Variants in CSMD1 observed in about 807,000 individuals in gnomAD.
CSMD1 encodes the protein CUB and Sushi multiple domains 1, also known as CUB and sushi domain-containing protein 1.
A neutral mutation model predicts 417.5 loss-of-function variants in CSMD1; 213 were observed. That is an observed-to-expected ratio of 0.51 (90% confidence interval 0.46 to 0.57). CSMD1 has a LOEUF of 0.57. Ranked by LOEUF, CSMD1 falls within the 20% of genes least tolerant of loss-of-function variation. CSMD1 has a pLI of 0.00. For missense variants in CSMD1, 6,923 were observed against 4,529.7 expected (o/e 1.53, Z -15.17); for synonymous variants, 2,862 against 1,736.8 (o/e 1.65, Z -16.11).
chr8:3,732,321 C>A (rs761235277), intron 6 of CSMD1, among the ~76,000 whole-genome samples: 4 of 152,184 alleles, frequency 2.6e-5, no homozygotes, highest in Non-Finnish European at 5.9e-5. Flanking sequence ...TTGATCAAGT[C>A]ATTTAACCTG....
At chr8:2,990,736 T>G (rs1428183365) in intron 54 of CSMD1, among the ~76,000 whole-genome samples, 4 of 152,214 alleles carry the variant, frequency 2.6e-5, no homozygotes, top group Non-Finnish European at 2.9e-5. Context: ...GAATGTAAGA[T>G]GCTCTCTACC....
intron 7 of CSMD1, among the ~76,000 whole-genome samples, chr8:3,678,926 C>G (rs1039432335): frequency 2.6e-5 from 4 of 152,120 alleles, no homozygotes; most frequent in African/African-American, 7.2e-5. Flanking sequence ...AATTTCATAT[C>G]CAGCCAAATT....
intron 10 of CSMD1, among the ~76,000 whole-genome samples, chr8:3,496,341 G>C (rs546933981): frequency 1.6e-4 from 25 of 152,248 alleles, no homozygotes; most frequent in Middle Eastern, 3.4e-3. Flanking sequence ...GCCCTGCAGA[G>C]CTCCCTGTAA....
At chr8:4,845,229 C>T (rs1352606699) in intron 1 of CSMD1, among the ~76,000 whole-genome samples, 2 of 152,086 alleles carry the variant, frequency 1.3e-5, no homozygotes, top group African/African-American at 2.4e-5. Flanking sequence ...GGTTATTGTA[C>T]TGTTCAGTAT....
At chr8:3,707,948 T>C (rs950291020) in intron 7 of CSMD1, among the ~76,000 whole-genome samples, 2 of 152,186 alleles carry the variant, frequency 1.3e-5, no homozygotes, top group African/African-American at 4.8e-5. Context: ...TGTCTGCAGA[T>C]CTTGTTTTCT....
intron 2 of CSMD1, among the ~76,000 whole-genome samples, chr8:4,449,421 T>C (rs769459120): frequency 6.6e-6 from 1 of 152,178 alleles, no homozygotes; most frequent in Non-Finnish European, 1.5e-5. Context: ...AATAGCCGTG[T>C]AGAAGTTCAT....
intron 1 of CSMD1, among the ~76,000 whole-genome samples, chr8:4,819,203 G>C (rs906736372): frequency 2.6e-5 from 4 of 152,064 alleles, no homozygotes; most frequent in African/African-American, 9.7e-5. Context: ...TTTGACAGAA[G>C]AAATAATAAT....
intron 2 of CSMD1, among the ~76,000 whole-genome samples, chr8:4,451,699 C>T (rs760660483): frequency 6.6e-6 from 1 of 152,002 alleles, no homozygotes; most frequent in African/African-American, 2.4e-5. Flanking sequence ...ATCAGTTCTT[C>T]CAGGCAAAGC....
chr8:4,453,824 T>TTC (rs1321297073), intron 2 of CSMD1, among the ~76,000 whole-genome samples: 1 of 128,972 alleles, frequency 7.8e-6, no homozygotes, highest in African/African-American at 2.9e-5. Flanking sequence ...CTTTTTTTTT[T>TTC]TTTTTTTTTT....
Position 3,052,561 on chromosome 8 carries a change from A to G in CSMD1, c.7561T>C (p.Cys2521Arg). ...FTLDSKVVYE[C>R]HEGFKLESSQ... ...GATTCAAGCTTGAAGCCCTCATGAC[A>G]TTCATAGACCACTTTACTGTCCAAA... The change falls in exon 50 of 70, where the codon TGT becomes CGT. Residue 2521 changes from cysteine (C) to arginine (R), a missense_variant. Cys to Arg is a radical substitution (Grantham distance 180). Transcript: ENST00000635120. 1 of 1,610,504 alleles carries G rather than the reference A, an allele frequency of 6.2e-7. No homozygotes were observed. The highest frequency in any genetic ancestry group is 8.5e-7 in the Non-Finnish European group (1 of 1,178,404).
At chr8:4,261,211 G>C (rs999129856) in intron 3 of CSMD1, among the ~76,000 whole-genome samples, 17 of 152,260 alleles carry the variant, frequency 1.1e-4, no homozygotes, top group African/African-American at 3.9e-4. Flanking sequence ...ACTAGAGAAA[G>C]GAGGACCAGC....
intron 6 of CSMD1, among the ~76,000 whole-genome samples, chr8:3,743,274 C>T (rs767962175): frequency 9.2e-5 from 14 of 152,146 alleles, no homozygotes; most frequent in Non-Finnish European, 1.3e-4. Flanking sequence ...ATTCAAGGAA[C>T]ATGAAGCGAA....
chr8:3,789,668 G>C (rs760010497), intron 5 of CSMD1, among the ~76,000 whole-genome samples: 1 of 150,366 alleles, frequency 6.7e-6, no homozygotes, highest in African/African-American at 2.4e-5. Flanking sequence ...TGCTTAATGA[G>C]ACATGTATGA....
At chr8:4,832,754 G>C (rs1240515832) in intron 1 of CSMD1, among the ~76,000 whole-genome samples, 3 of 152,070 alleles carry the variant, frequency 2.0e-5, no homozygotes, top group South Asian at 2.1e-4. Context: ...TTACTGATTG[G>C]ATCAACTCTT....
At chr8:4,528,065 C>G (rs939988504) in intron 2 of CSMD1, among the ~76,000 whole-genome samples, 2 of 152,144 alleles carry the variant, frequency 1.3e-5, no homozygotes, top group African/African-American at 4.8e-5. Flanking sequence ...CCTTTCCCAC[C>G]ACATTCAGCA....
chr8:3,641,819 ATC>A (rs769291431), intron 7 of CSMD1, among the ~76,000 whole-genome samples: 11 of 152,216 alleles, frequency 7.2e-5, no homozygotes, highest in Non-Finnish European at 1.6e-4. Context: ...ACCTTTGTCG[ATC>A]TCTTCCCTCA....
chr8:4,164,683 T>G (rs1797354325), intron 3 of CSMD1, among the ~76,000 whole-genome samples: 1 of 152,094 alleles, frequency 6.6e-6, no homozygotes, highest in Non-Finnish European at 1.5e-5. Context: ...ATATAAGATT[T>G]TAAAATATGT....
intron 3 of CSMD1, among the ~76,000 whole-genome samples, chr8:4,395,750 G>A (rs1804159610): frequency 6.8e-6 from 1 of 147,354 alleles, no homozygotes; most frequent in South Asian, 2.1e-4. Context: ...TGCTGTGTAA[G>A]CATTTGTAAA....
intron 1 of CSMD1, among the ~76,000 whole-genome samples, chr8:4,929,065 C>T (rs937300713): frequency 6.6e-6 from 1 of 152,084 alleles, no homozygotes; most frequent in Non-Finnish European, 1.5e-5. Flanking sequence ...AAGTGACACT[C>T]TATCTAAACA....
Sources: gnomAD v4.1 joint callset for allele counts (sites outside exome capture counted in the v4.1 genomes callset) on GRCh38, gnomAD v4.1.1 for gene constraint, MANE v1.5 for transcripts, NCBI Gene and HGNC (gene_info 2026-07-23, HGNC 2026-07-21) for gene names.